The following RBFOX1 variants were observed in gnomAD, a reference collection of about 807,000 sequenced individuals.
The protein encoded by RBFOX1 is RNA binding fox-1 homolog 1.
In RBFOX1, 8 loss-of-function variants were observed where a neutral mutation model predicts 57.7. The observed-to-expected ratio is 0.14, with a 90% confidence interval of 0.08 to 0.25. RBFOX1 has a LOEUF of 0.25. Ranked by LOEUF, RBFOX1 falls within the 10% of genes least tolerant of loss-of-function variation. The pLI is 1.00. For missense variants in RBFOX1, 611 were observed against 548.5 expected, an observed-to-expected ratio of 1.11 and a Z score of -1.14; for synonymous variants, 326 against 222.4, an observed-to-expected ratio of 1.47 and a Z score of -4.15.
intron 4 of RBFOX1, among the ~76,000 whole-genome samples, chr16:7,464,547 T>C (rs1230613634): frequency 6.6e-6 from 1 of 152,094 alleles, no homozygotes; most frequent in East Asian, 1.9e-4. Context: ...TTCAGGGACA[T>C]CTACAAGCTA....
At chr16:6,540,054 C>T (rs559765079) in intron 2 of RBFOX1, among the ~76,000 whole-genome samples, 1 of 152,230 alleles carries the variant, frequency 6.6e-6, no homozygotes, top group Non-Finnish European at 1.5e-5. Context: ...CTGGGTAGGG[C>T]CTCACGTGAC....
chr16:7,417,554 G>GTGTT (rs2098495224), intron 4 of RBFOX1, among the ~76,000 whole-genome samples: 1 of 151,930 alleles, frequency 6.6e-6, no homozygotes, highest in South Asian at 2.1e-4. Context: ...GTGTGTGTGT[G>GTGTT]TGTGTGTTCA....
intron 4 of RBFOX1, among the ~76,000 whole-genome samples, chr16:7,492,658 G>A (rs1203643254): frequency 1.3e-5 from 2 of 152,204 alleles, no homozygotes; most frequent in Non-Finnish European, 2.9e-5. Context: ...ATTGGACCAT[G>A]AAGGCAGATT....
At chr16:6,562,292 C>G (rs1482242635) in intron 2 of RBFOX1, among the ~76,000 whole-genome samples, 2 of 152,332 alleles carry the variant, frequency 1.3e-5, no homozygotes, top group Admixed American at 6.5e-5. Flanking sequence ...TATCTGCACA[C>G]TAATTGTACA....
At chr16:7,265,971 T>TTG (rs1567956769) in intron 4 of RBFOX1, among the ~76,000 whole-genome samples, 2 of 134,924 alleles carry the variant, frequency 1.5e-5, no homozygotes, top group African/African-American at 5.9e-5. Context: ...TTTGTTTTTT[T>TTG]TTTTTTTTTT....
chr16:6,188,101 A>C (rs551175997), intron 1 of RBFOX1, among the ~76,000 whole-genome samples: 1 of 152,170 alleles, frequency 6.6e-6, no homozygotes, highest in Non-Finnish European at 1.5e-5. Context: ...GTATACAAAA[A>C]GTTTTCCCTC....
At chr16:6,243,137 C>CGTGTGTGTGTGTGTGT (rs34797833) in intron 1 of RBFOX1, among the ~76,000 whole-genome samples, 19 of 150,440 alleles carry the variant, frequency 1.3e-4, no homozygotes, top group South Asian at 4.2e-4. Flanking sequence ...GATATTTATA[C>CGTGTGTGTGTGTGTGT]GTGTGTCTGT....
chr16:6,200,467 C>G (rs957209066), intron 1 of RBFOX1, among the ~76,000 whole-genome samples: 2 of 151,992 alleles, frequency 1.3e-5, no homozygotes, highest in African/African-American at 4.8e-5. Flanking sequence ...AGAGTGTATA[C>G]CATCAGTTTT....
In RBFOX1 at chr16:7,540,300, T is replaced by C. The variant is rs112743677; in HGVS notation, c.270+21911T>C. Among the ~76,000 whole-genome samples, 206 of 152,292 alleles carry C rather than the reference T, an allele frequency of 1.4e-3. 2 individuals carry two copies. Among genetic ancestry groups the C allele is most frequent in the African/African-American group, 4.7e-3 (194 of 41,564 alleles). ...TGACTGTAGCAATATGTTTAATAAC[T>C]CAAGGTACCTGAAAATAATGCAATA... is the stretch of plus-strand genomic sequence containing the variant. On this transcript the variant is annotated intron_variant, in intron 5 of 15. Coordinates refer to ENST00000550418, the MANE Select transcript of RBFOX1 (RefSeq NM_018723.4).
intron 2 of RBFOX1, among the ~76,000 whole-genome samples, chr16:5,584,380 G>A (rs17138120): frequency 0.056 from 8,583 of 152,124 alleles, 849 homozygotes; most frequent in African/African-American, 0.2. Flanking sequence ...CATCACTAAT[G>A]CCCTCCTTTA....
chr16:7,308,416 T>A (rs989214195), intron 4 of RBFOX1, among the ~76,000 whole-genome samples: 39 of 152,198 alleles, frequency 2.6e-4, no homozygotes, highest in African/African-American at 9.2e-4. Flanking sequence ...AAGCTTCTTA[T>A]CTGTCAAGCC....
At chr16:7,687,089 G>A (rs1598095437) in intron 14 of RBFOX1, among the ~76,000 whole-genome samples, 1 of 152,058 alleles carries the variant, frequency 6.6e-6, no homozygotes, top group African/African-American at 2.4e-5. Context: ...AAAGAGATAG[G>A]TGTAGGACCT....
In RBFOX1 at chr16:6,080,643, G is replaced by C. The variant is rs926288328; in HGVS notation, c.-127+60651G>C. Among the ~76,000 whole-genome samples the C allele has an allele frequency of 2.0e-5, 3 of 152,142 alleles. No individual in the cohort carries two copies. In the South Asian group the frequency reaches 6.2e-4, roughly 32 times the overall value. On this transcript the variant is annotated intron_variant, in intron 1 of 15. Transcript: ENST00000550418. ...ACTTGGGCTGAGTTGGAAGTGACTC[G>C]TTTATGAACAGGGGTATATATTTTT... is the stretch of plus-strand genomic sequence containing the variant.
intron 2 of RBFOX1, among the ~76,000 whole-genome samples, chr16:6,396,873 T>A (rs1283472099): frequency 6.6e-6 from 1 of 152,100 alleles, no homozygotes; most frequent in Non-Finnish European, 1.5e-5. Flanking sequence ...AAGAAATAAC[T>A]AGTTATATAA....
At chr16:7,326,135 A>G (rs1211259200) in intron 4 of RBFOX1, among the ~76,000 whole-genome samples, 1 of 152,142 alleles carries the variant, frequency 6.6e-6, no homozygotes, top group Non-Finnish European at 1.5e-5. Context: ...GATCATTCTC[A>G]AATACTTATT....
Position 5,893,160 on chromosome 16 carries a change from C to T in RBFOX1, c.351+25825C>T, listed in dbSNP as rs189766984. Reference sequence around the variant, plus strand: ...TTCCTTAACATTCTAAATTACTTACCGTGGAATTCAGCTGATGCTCCAGAA... The same window carrying T: ...TTCCTTAACATTCTAAATTACTTACTGTGGAATTCAGCTGATGCTCCAGAA... On this transcript the variant is annotated intron_variant, in intron 4 of 19. Transcript: ENST00000641259. Among the ~76,000 whole-genome samples, 8 of 152,258 alleles carry T rather than the reference C, an allele frequency of 5.3e-5. No individual in the cohort carries two copies. The East Asian group carries it at 9.6e-4, about 18-fold the overall frequency.
At chr16:7,174,086 A>C (rs2081217817) in intron 4 of RBFOX1, among the ~76,000 whole-genome samples, 1 of 152,186 alleles carries the variant, frequency 6.6e-6, no homozygotes, top group Non-Finnish European at 1.5e-5. Flanking sequence ...TTTAAGCTCT[A>C]GATTTGCCTT....
At chr16:6,414,671 T>C (rs1256825088) in intron 2 of RBFOX1, among the ~76,000 whole-genome samples, 1 of 152,240 alleles carries the variant, frequency 6.6e-6, no homozygotes, top group African/African-American at 2.4e-5. Flanking sequence ...CCATGGATTG[T>C]AGACTGTGTG....
At chr16:5,342,528 T>C (rs1048262603) in intron 1 of RBFOX1, among the ~76,000 whole-genome samples, 1 of 152,188 alleles carries the variant, frequency 6.6e-6, no homozygotes, top group Non-Finnish European at 1.5e-5. Flanking sequence ...TTTCCCAAAG[T>C]TCCTGCAATG....
Sources: gnomAD v4.1 joint callset for allele counts (sites outside exome capture counted in the v4.1 genomes callset) on GRCh38, gnomAD v4.1.1 for gene constraint, MANE v1.5 for transcripts, NCBI Gene and HGNC (gene_info 2026-07-23, HGNC 2026-07-21) for gene names.